Variants in LRRC53 observed in about 807,000 individuals in gnomAD.
LRRC53 encodes leucine-rich repeat-containing protein 53.
A neutral mutation model predicts 13.6 loss-of-function variants in LRRC53; 25 were observed. The observed-to-expected ratio is 1.83, with a 90% confidence interval of 1.34 to 2.56. LRRC53 has a LOEUF of 2.56. Ranked by LOEUF, LRRC53 falls within the 30% of genes most tolerant of loss-of-function variation. LRRC53 has a pLI of 0.00. For synonymous variants in LRRC53, 204 were observed against 109.8 expected (o/e 1.86, Z -5.37); for missense variants, 527 against 275.8 (o/e 1.91, Z -6.45).
chr1:74,489,198 G>A lies in LRRC53; in HGVS notation c.-26-5823C>T, dbSNP rs775150515. 18 of 1,610,478 alleles carry A rather than the reference G, an allele frequency of 1.1e-5. No individual in the cohort carries two copies. Among genetic ancestry groups the A allele is most frequent in the Non-Finnish European group, 1.5e-5 (18 of 1,178,488 alleles). Reference sequence around the variant, plus strand: ...TTTTTTCTATTTACAGGGAAGACCCGAATTTTCTGAAGTTGTCATGAAGTT... The same window carrying A: ...TTTTTTCTATTTACAGGGAAGACCCAAATTTTCTGAAGTTGTCATGAAGTT... On this transcript the variant is annotated intron_variant, in intron 1 of 4. Coordinates refer to ENST00000294635, the MANE Select transcript of LRRC53 (RefSeq NM_001382280.1).
At chr1:74,520,713 C>T in the LRRC53 span, among the ~76,000 whole-genome samples, 1 of 152,072 alleles carries the variant, frequency 6.6e-6, no homozygotes, top group African/African-American at 2.4e-5. Context: ...GAAGGGAGGC[C>T]TGGGGCATAC....
At chr1:74,492,066 A>G (rs1669105987) in intron 1 of LRRC53, 2 of 1,484,950 alleles carry the variant, frequency 1.3e-6, no homozygotes, top group Non-Finnish European at 1.8e-6. Flanking sequence ...TGGAAGTATT[A>G]AACAATTGAA....
chr1:74,483,454 G>A, intron 1 of LRRC53, 79 bp from the exon 2 acceptor site: 1 of 631,264 alleles, frequency 1.6e-6, no homozygotes, highest in Non-Finnish European at 3.0e-6. Context: ...CAGGTCATGA[G>A]GCATTTTGGT....
At chr1:74,476,533 G>A (rs1668216758) in intron 3 of LRRC53, among the ~76,000 whole-genome samples, 1 of 152,042 alleles carries the variant, frequency 6.6e-6, no homozygotes, top group Non-Finnish European at 1.5e-5. Flanking sequence ...TCTATCCCCA[G>A]TGTCCACAAC....
intron 1 of LRRC53, chr1:74,492,195 G>C: frequency 6.2e-7 from 1 of 1,612,824 alleles, no homozygotes; most frequent in South Asian, 1.1e-5. Flanking sequence ...GGAGTCATGT[G>C]GCAGCATTAA....
chr1:74,478,153 G>A (rs999717796), intron 3 of LRRC53, among the ~76,000 whole-genome samples: 3 of 152,102 alleles, frequency 2.0e-5, no homozygotes, highest in East Asian at 1.9e-4. Flanking sequence ...CTCACCACAC[G>A]TGTGCTTCAG....
rs185494319 is a variant in LRRC53 at position 74,470,956 on chromosome 1, G to A, written c.2666C>T (p.Pro889Leu). 4.9e-4 allele frequency: 198 copies of A among 400,542 alleles called. No homozygotes were observed. Among genetic ancestry groups the A allele is most frequent in the African/African-American group, 3.5e-3 (171 of 48,774 alleles). The allele number at this position is 400,542 out of a possible 1,614,324, so 24.8% of individuals were successfully genotyped here. Reference protein sequence around the residue: ...TWENTGSDVLPFQHSRRATDQ... With the variant: ...TWENTGSDVLLFQHSRRATDQ... ...AGTAGCCCTCCTGGAATGTTGGAAT[G>A]GTAAAACATCACTTCCTGTATTTTC... The change falls in exon 5 of 5, where the codon CCA (proline) becomes CTA (leucine). Residue 889 changes from proline (P) to leucine (L), a missense_variant. Pro to Leu is a moderately conservative substitution (Grantham distance 98, BLOSUM62 -3). Coordinates refer to ENST00000294635, the MANE Select transcript of LRRC53 (RefSeq NM_001382280.1).
the LRRC53 span, among the ~76,000 whole-genome samples, chr1:74,528,895 G>C: frequency 6.6e-6 from 1 of 152,124 alleles, no homozygotes; most frequent in Non-Finnish European, 1.5e-5. Flanking sequence ...GCTGACACAA[G>C]GAAGGTACAA....
chr1:74,495,380 G>A (rs944644991), intron 1 of LRRC53, among the ~76,000 whole-genome samples: 2 of 152,294 alleles, frequency 1.3e-5, no homozygotes, highest in Non-Finnish European at 2.9e-5. Flanking sequence ...TGTATCCTTA[G>A]TATCTATCTA....
upstream of LRRC53, among the ~76,000 whole-genome samples, chr1:74,512,972 A>G (rs1646282175): frequency 6.6e-6 from 1 of 152,170 alleles, no homozygotes; most frequent in Non-Finnish European, 1.5e-5. Flanking sequence ...ACTATAGACG[A>G]CTTTTGCCCT....
chr1:74,504,689 G>T (rs1669800898), intron 1 of LRRC53, among the ~76,000 whole-genome samples: 1 of 152,058 alleles, frequency 6.6e-6, no homozygotes, highest in African/African-American at 2.4e-5. Flanking sequence ...AGATTTGCAT[G>T]AAAAGAGTGA....
rs879250204 is a variant in LRRC53 at position 74,472,267 on chromosome 1, C to T, written c.1421-66G>A. Reference sequence around the variant, plus strand: ...TTTTATTACCCCAACCAAACAGATGCGTAGAAACCTTATGAAAAGTATAAA... The same window carrying T: ...TTTTATTACCCCAACCAAACAGATGTGTAGAAACCTTATGAAAAGTATAAA... On this transcript the variant is annotated intron_variant, in intron 4 of 4. Transcript: ENST00000294635. 24 of 688,712 alleles carry T rather than the reference C, an allele frequency of 3.5e-5. No individual in the cohort carries two copies. The East Asian group carries it at 4.1e-4, about 12-fold the overall frequency. The allele number at this position is 688,712 out of a possible 1,614,324, so 42.7% of individuals were successfully genotyped here. A position where few individuals can be genotyped will look rare whatever the true frequency, so the allele number is the denominator to read the frequency against.
chr1:74,497,980 G>C (rs548209151), intron 1 of LRRC53, among the ~76,000 whole-genome samples: 3 of 152,156 alleles, frequency 2.0e-5, no homozygotes, highest in Non-Finnish European at 2.9e-5. Context: ...ACTGTGGGAG[G>C]CTTTTTTGTT....
chr1:74,518,197 G>C, the LRRC53 span, among the ~76,000 whole-genome samples: 1 of 152,132 alleles, frequency 6.6e-6, no homozygotes, highest in Non-Finnish European at 1.5e-5. Flanking sequence ...GAGAGGGTTT[G>C]CTGATCAATG....
chr1:74,509,477 A>G (rs1670068264), intron 1 of LRRC53, among the ~76,000 whole-genome samples: 1 of 152,210 alleles, frequency 6.6e-6, no homozygotes, highest in Non-Finnish European at 1.5e-5. Context: ...TTTTACACAA[A>G]TGAATGATTT....
the LRRC53 span, among the ~76,000 whole-genome samples, chr1:74,526,752 C>A: frequency 3.3e-5 from 5 of 152,250 alleles, no homozygotes; most frequent in East Asian, 9.6e-4. Context: ...ACTGAGATAT[C>A]ATTGTTTGGC....
chr1:74,474,706 C>T (rs565786515), intron 4 of LRRC53, among the ~76,000 whole-genome samples: 2 of 152,236 alleles, frequency 1.3e-5, no homozygotes, highest in Admixed American at 1.3e-4. Context: ...CGCCCATGTA[C>T]AGTGGGTAGA....
intron 1 of LRRC53, among the ~76,000 whole-genome samples, chr1:74,508,564 C>A (rs1404467769): frequency 2.0e-5 from 3 of 152,152 alleles, no homozygotes; most frequent in Non-Finnish European, 4.4e-5. Flanking sequence ...TAAAAAATAG[C>A]CCACAGGCCA....
At chr1:74,492,841 C>T (rs1195477048) in intron 1 of LRRC53, among the ~76,000 whole-genome samples, 1 of 152,152 alleles carries the variant, frequency 6.6e-6, no homozygotes, top group African/African-American at 2.4e-5. Flanking sequence ...GTACATAAAA[C>T]AGCAGAAATG....
Sources: allele counts gnomAD v4.1 joint callset (sites outside exome capture counted in the v4.1 genomes callset), GRCh38; gene constraint gnomAD v4.1.1; transcripts MANE v1.5; gene names NCBI Gene and HGNC (gene_info 2026-07-23, HGNC 2026-07-21).